The following PLA2G5 variants were observed in gnomAD, a reference collection of about 807,000 sequenced individuals.
The protein encoded by PLA2G5 is Ca2+-dependent phospholipase A2.
Under a neutral mutation model 15.9 loss-of-function variants are expected in PLA2G5, and 12 were observed. The observed-to-expected ratio is 0.76, with a 90% CI of 0.48 to 1.23. PLA2G5 has a LOEUF of 1.23. PLA2G5 is among the 50% of genes most tolerant of loss of function. The pLI is 0.00. For missense variants in PLA2G5, 169 were observed against 177.1 expected (o/e 0.95, Z 0.26); for synonymous variants, 71 against 71.4 (o/e 0.99, Z 0.03).
chr1:20,061,948 A>T (rs554888435), intron 2 of PLA2G5, among the ~76,000 whole-genome samples: 9 of 152,194 alleles, frequency 5.9e-5, no homozygotes, highest in African/African-American at 2.2e-4. Flanking sequence ...GCCTGGTGGG[A>T]GGTGTTCGGA....
intron 1 of PLA2G5, among the ~76,000 whole-genome samples, chr1:20,036,847 TAG>T (rs1386929943): frequency 6.6e-6 from 1 of 151,956 alleles, no homozygotes; most frequent in East Asian, 1.9e-4. Flanking sequence ...GTATTTTTAG[TAG>T]AGACAGGGTT....
chr1:20,062,944 G>T (rs923804155), intron 2 of PLA2G5, among the ~76,000 whole-genome samples: 1 of 152,158 alleles, frequency 6.6e-6, no homozygotes, highest in East Asian at 1.9e-4. Flanking sequence ...AGAGATCTGT[G>T]GCCCCAAGTT....
At chr1:20,076,397 G>A (rs1426654981) in intron 1 of PLA2G5, among the ~76,000 whole-genome samples, 7 of 152,096 alleles carry the variant, frequency 4.6e-5, no homozygotes, top group Non-Finnish European at 5.9e-5. Flanking sequence ...TTTCCACCTT[G>A]TTTATAAGGA....
At chr1:20,033,232 G>A (rs139388286) in intron 1 of PLA2G5, among the ~76,000 whole-genome samples, 94 of 152,292 alleles carry the variant, frequency 6.2e-4, no homozygotes, top group African/African-American at 2.2e-3. Context: ...TGCTGGACAT[G>A]GCTCCCTAAA....
intron 1 of PLA2G5, among the ~76,000 whole-genome samples, chr1:20,057,157 TCAA>T (rs1212087327): frequency 6.6e-6 from 1 of 152,130 alleles, no homozygotes; most frequent in Admixed American, 6.5e-5. Flanking sequence ...TTTCAAAGAA[TCAA>T]CTTTTGGTGT....
In PLA2G5 at chr1:20,090,956, A is replaced by G. The variant is rs1023796447; in HGVS notation, c.*264A>G. 2 of 374,864 alleles carry G rather than the reference A, an allele frequency of 5.3e-6. No individual in the cohort carries two copies. Among genetic ancestry groups the G allele is most frequent in the Non-Finnish European group, 9.7e-6 (2 of 206,398 alleles). The allele number at this position is 374,864 out of a possible 1,614,324, so 23.2% of individuals were successfully genotyped here. A position where few individuals can be genotyped will look rare whatever the true frequency, so the allele number is the denominator to read the frequency against. ...CTCTGGTGCCAAGAGCTCTCCTCCA[A>G]CTCAGGGTTGGCTGTGTCTCTTTTC... On this transcript the variant is annotated 3_prime_UTR_variant, in exon 5 of 5. Coordinates refer to ENST00000375108, the MANE Select transcript of PLA2G5 (RefSeq NM_000929.3).
chr1:20,084,633 T>G (rs2016193207), intron 1 of PLA2G5, among the ~76,000 whole-genome samples, 188 bp from the exon 2 acceptor site: 2 of 152,166 alleles, frequency 1.3e-5, no homozygotes. Context: ...ATTGTCCCTC[T>G]GCCTCCAGGG....
At chr1:20,052,104 T>C (rs1466165872) in intron 1 of PLA2G5, among the ~76,000 whole-genome samples, 2 of 148,640 alleles carry the variant, frequency 1.3e-5, no homozygotes, top group Admixed American at 1.4e-4. Flanking sequence ...TTTTTCTTTA[T>C]TAAAAATGGG....
At chr1:20,087,258 T>G (rs1310408166) in intron 3 of PLA2G5, among the ~76,000 whole-genome samples, 1 of 152,192 alleles carries the variant, frequency 6.6e-6, no homozygotes, top group Non-Finnish European at 1.5e-5. Context: ...CAAGAATACT[T>G]TTTATGTGCA....
intron 2 of PLA2G5, among the ~76,000 whole-genome samples, chr1:20,085,491 C>T (rs569218342): frequency 6.6e-6 from 1 of 152,162 alleles, no homozygotes; most frequent in Non-Finnish European, 1.5e-5. Context: ...CCCTCCATGC[C>T]TCAGTTTCCC....
intron 1 of PLA2G5, among the ~76,000 whole-genome samples, chr1:20,038,298 A>C (rs2013387159): frequency 6.6e-6 from 1 of 152,198 alleles, no homozygotes; most frequent in Non-Finnish European, 1.5e-5. Flanking sequence ...TCTGCCCAGG[A>C]AAGTTCACAG....
intron 1 of PLA2G5, among the ~76,000 whole-genome samples, chr1:20,079,992 G>A (rs1056615895): frequency 1.3e-5 from 2 of 152,172 alleles, no homozygotes; most frequent in Non-Finnish European, 2.9e-5. Context: ...AGAAAAAGTT[G>A]GGGGTTGGCA....
upstream of PLA2G5, chr1:20,068,982 C>T: frequency 7.9e-7 from 1 of 1,265,230 alleles, no homozygotes. Context: ...CCAGAATTGG[C>T]ACAGATACCA....
At chr1:20,047,726 G>A (rs1418171288) in intron 1 of PLA2G5, among the ~76,000 whole-genome samples, 1 of 26,846 alleles carries the variant, frequency 3.7e-5, no homozygotes, top group Non-Finnish European at 1.3e-4. Flanking sequence ...CTTTGTGTGT[G>A]TGTGTGTGTG....
upstream of PLA2G5, among the ~76,000 whole-genome samples, chr1:20,068,507 A>G (rs1449646325): frequency 6.7e-6 from 1 of 148,248 alleles, no homozygotes; most frequent in Non-Finnish European, 1.5e-5. Context: ...GCTGGAGTGC[A>G]ATGGCACAAT....
chr1:20,057,514 A>G (rs1315306311), intron 1 of PLA2G5, among the ~76,000 whole-genome samples: 1 of 151,996 alleles, frequency 6.6e-6, no homozygotes, highest in African/African-American at 2.4e-5. Flanking sequence ...ATATGTCTTT[A>G]TATTTAAAGA....
intron 1 of PLA2G5, among the ~76,000 whole-genome samples, chr1:20,055,542 T>C (rs1050590881): frequency 6.6e-6 from 1 of 152,144 alleles, no homozygotes; most frequent in Non-Finnish European, 1.5e-5. Flanking sequence ...TGCAGGACCA[T>C]AGAGCTGGTA....
At chr1:20,050,067 G>A (rs111803740) in intron 1 of PLA2G5, among the ~76,000 whole-genome samples, 2,364 of 152,202 alleles carry the variant, frequency 0.016, 30 homozygotes, top group Non-Finnish European at 0.024. Flanking sequence ...AGATTTTAAG[G>A]TTTATTGAAA....
At chr1:20,045,607 G>C (rs2013862703) in intron 1 of PLA2G5, among the ~76,000 whole-genome samples, 1 of 152,196 alleles carries the variant, frequency 6.6e-6, no homozygotes, top group Non-Finnish European at 1.5e-5. Context: ...AGTGACAGAG[G>C]TTGGAGAAGA....
Sources: gnomAD v4.1 joint callset for allele counts (sites outside exome capture counted in the v4.1 genomes callset) on GRCh38, gnomAD v4.1.1 for gene constraint, MANE v1.5 for transcripts, NCBI Gene and HGNC (gene_info 2026-07-23, HGNC 2026-07-21) for gene names.